PDE7B: variants seen among roughly 807,000 people sequenced by gnomAD.
PDE7B encodes 3',5'-cyclic-AMP phosphodiesterase 7B.
A neutral mutation model predicts 56.2 loss-of-function variants in PDE7B; 29 were observed. The observed-to-expected ratio is 0.52, with a 90% CI of 0.38 to 0.70. PDE7B has a LOEUF of 0.70. PDE7B is among the 30% of genes least tolerant of loss of function. The probability of loss-of-function intolerance (pLI) is 0.00; values close to 1 mark genes in which losing one functional copy is unlikely to be tolerated. For synonymous variants in PDE7B, 197 were observed against 196.9 expected (o/e 1.00, Z 0.00); for missense variants, 490 against 565.0 (o/e 0.87, Z 1.35).
intron 3 of PDE7B, among the ~76,000 whole-genome samples, chr6:136,130,736 G>A (rs759080361): frequency 8.5e-5 from 13 of 152,060 alleles, no homozygotes; most frequent in African/African-American, 2.7e-4. Flanking sequence ...AGACATACCC[G>A]AGACTGGGTA....
intron 1 of PDE7B, among the ~76,000 whole-genome samples, chr6:135,925,814 T>C (rs1046255075): frequency 3.9e-5 from 6 of 152,148 alleles, no homozygotes; most frequent in Admixed American, 2.6e-4. Context: ...AGCCTGACTA[T>C]TTTTTCCCTG....
At chr6:136,087,096 C>G (rs1217661391) in intron 2 of PDE7B, among the ~76,000 whole-genome samples, 1 of 152,218 alleles carries the variant, frequency 6.6e-6, no homozygotes, top group Non-Finnish European at 1.5e-5. Context: ...ATGAGAAAGA[C>G]AGTATACTGA....
At chr6:135,983,399 T>C (rs1380143265) in intron 2 of PDE7B, among the ~76,000 whole-genome samples, 7 of 152,186 alleles carry the variant, frequency 4.6e-5, no homozygotes, top group Admixed American at 4.6e-4. Flanking sequence ...TTACATTTTG[T>C]TGTGTGTAAT....
intron 1 of PDE7B, among the ~76,000 whole-genome samples, chr6:135,916,435 C>G (rs899112624): frequency 7.2e-5 from 8 of 110,634 alleles, no homozygotes; most frequent in African/African-American, 2.5e-4. Flanking sequence ...CTCTGTTGCC[C>G]AGGTCGCAGT....
chr6:135,902,901 T>C (rs1776031131), intron 1 of PDE7B, among the ~76,000 whole-genome samples: 1 of 152,192 alleles, frequency 6.6e-6, no homozygotes, highest in Non-Finnish European at 1.5e-5. Flanking sequence ...GATGTTGTTA[T>C]TCTCCTCATT....
chr6:135,978,036 C>G lies in PDE7B; in HGVS notation c.82+30512C>G, dbSNP rs1181281040. On this transcript the variant is annotated intron_variant, in intron 2 of 12. Transcript: ENST00000308191. The stretch of plus-strand genomic sequence containing the variant: ...CAGGCAAACCTGTACGGTAATGCAT[C>G]ACTTAACTGTGCGGATACATTCTGA... Among the ~76,000 whole-genome samples the G allele has an allele frequency of 3.3e-5, 5 of 152,080 alleles. No homozygotes were observed. The East Asian group carries it at 9.6e-4, about 29-fold the overall frequency.
chr6:136,182,401 T>C (rs553464075), intron 11 of PDE7B, among the ~76,000 whole-genome samples: 30 of 152,320 alleles, frequency 2.0e-4, no homozygotes, highest in Non-Finnish European at 2.6e-4. Context: ...GGAAACATGA[T>C]GAAATTGGAG....
intron 2 of PDE7B, among the ~76,000 whole-genome samples, chr6:136,060,946 A>T (rs1425056018): frequency 6.6e-6 from 1 of 152,212 alleles, no homozygotes. Context: ...GAGAATTGTC[A>T]TACTATTTTC....
chr6:136,170,733 G>A (rs1199503751), intron 8 of PDE7B, among the ~76,000 whole-genome samples: 3 of 152,160 alleles, frequency 2.0e-5, no homozygotes, highest in South Asian at 2.1e-4. Context: ...CGGAAACTCT[G>A]TACGGAGTCC....
intron 3 of PDE7B, among the ~76,000 whole-genome samples, chr6:136,110,656 T>C (rs1252507940): frequency 6.6e-6 from 1 of 152,154 alleles, no homozygotes; most frequent in Non-Finnish European, 1.5e-5. Context: ...ATGGTGGTTA[T>C]GTTTGCAGGT....
intron 2 of PDE7B, among the ~76,000 whole-genome samples, chr6:135,968,970 G>A (rs1462804920): frequency 6.6e-6 from 1 of 152,212 alleles, no homozygotes; most frequent in Non-Finnish European, 1.5e-5. Flanking sequence ...AACGGAATGA[G>A]ATCATGTCCT....
chr6:135,952,389 A>T (rs1476325385), intron 2 of PDE7B, among the ~76,000 whole-genome samples: 2 of 152,210 alleles, frequency 1.3e-5, no homozygotes, highest in Admixed American at 1.3e-4. Context: ...TCCAGGGTAG[A>T]ACGAGACCTT....
intron 1 of PDE7B, among the ~76,000 whole-genome samples, chr6:135,928,378 C>T (rs1208716703): frequency 4.1e-5 from 6 of 145,050 alleles, no homozygotes; most frequent in Admixed American, 2.9e-4. Context: ...AGCAAAGATA[C>T]AGAATCAACC....
rs1399634859 is a variant in PDE7B at position 136,004,716 on chromosome 6, G to A, written c.82+57192G>A. 3.3e-5 allele frequency among the ~76,000 whole-genome samples: 5 copies of A among 152,218 alleles called. No individual in the cohort carries two copies. The East Asian group carries it at 5.8e-4, about 18-fold the overall frequency. ...AGGAAATAAAAGAGGATACAAACAA[G>A]TGGAAGAACATTCCATGTTCATGGG... On this transcript the variant is annotated intron_variant, in intron 2 of 12. Transcript: ENST00000308191.
At chr6:136,056,606 A>G (rs2128212009) in intron 2 of PDE7B, among the ~76,000 whole-genome samples, 1 of 127,712 alleles carries the variant, frequency 7.8e-6, no homozygotes, top group Admixed American at 1.1e-4. Context: ...ATCTTGGCTC[A>G]CTGCAACCTC....
rs1194390021 is a variant in PDE7B at position 136,038,258 on chromosome 6, A to ACCG, written c.83-70471_83-70470insGCC. On this transcript the variant is annotated intron_variant, in intron 2 of 12. Transcript: ENST00000308191. ...CAGCAGCAGCAGCAGCACCACCACC[A>ACCG]CCACTACCTCCTCTTCTGGGGCACA... The ACCG allele has an allele frequency of 3.1e-6, 4 of 1,299,828 alleles. No homozygotes were observed. In the Admixed American group the frequency reaches 9.1e-5, roughly 30 times the overall value. The allele number at this position is 1,299,828 out of a possible 1,614,324, so 80.5% of individuals were successfully genotyped here. A position where few individuals can be genotyped will look rare whatever the true frequency, so the allele number is the denominator to read the frequency against.
At chr6:135,987,260 C>T in intron 2 of PDE7B, among the ~76,000 whole-genome samples, 1 of 152,026 alleles carries the variant, frequency 6.6e-6, no homozygotes, top group East Asian at 1.9e-4. Context: ...GAAAGCTGTT[C>T]AGAGTCACAG....
At chr6:136,166,013 A>G (rs941775670) in intron 8 of PDE7B, among the ~76,000 whole-genome samples, 1 of 152,172 alleles carries the variant, frequency 6.6e-6, no homozygotes, top group African/African-American at 2.4e-5. Flanking sequence ...CCTTCCCTTT[A>G]TGTAACATTC....
intron 2 of PDE7B, among the ~76,000 whole-genome samples, chr6:136,013,767 G>A (rs2128207416): frequency 6.6e-6 from 1 of 152,274 alleles, no homozygotes; most frequent in Middle Eastern, 3.4e-3. Context: ...TGGGCAGTAG[G>A]GTTAACTTGA....
Sources: allele counts gnomAD v4.1 joint callset (sites outside exome capture counted in the v4.1 genomes callset), GRCh38; gene constraint gnomAD v4.1.1; transcripts MANE v1.5; gene names NCBI Gene and HGNC (gene_info 2026-07-23, HGNC 2026-07-21).